ERC2: variants seen among roughly 807,000 people sequenced by gnomAD.
The protein encoded by ERC2 is ELKS/RAB6-interacting/CAST family member 2.
A neutral mutation model predicts 114.8 loss-of-function variants in ERC2; 42 were observed. The ratio of observed to expected loss-of-function variants is 0.37; its 90% CI spans 0.29 to 0.47. The LOEUF is 0.47. Among genes scored for constraint, ERC2 ranks in the 20% least tolerant of loss-of-function variants. The pLI, the probability that ERC2 is intolerant of heterozygous loss-of-function variation, is 0.99. For synonymous variants in ERC2, 454 were observed against 425.5 expected, an observed-to-expected ratio of 1.07 and a Z score of -0.82; for missense variants, 939 against 1,150.7, an observed-to-expected ratio of 0.82 and a Z score of 2.66.
chr3:56,297,765 G>A (rs189424928), intron 2 of ERC2, among the ~76,000 whole-genome samples: 8 of 152,304 alleles, frequency 5.3e-5, no homozygotes, highest in African/African-American at 1.4e-4. Flanking sequence ...AAGGCATGGG[G>A]TAATACTATA....
chr3:56,389,859 G>GA (rs1016152626), intron 2 of ERC2, among the ~76,000 whole-genome samples: 2 of 152,134 alleles, frequency 1.3e-5, no homozygotes, highest in African/African-American at 4.8e-5. Flanking sequence ...CTTTAACTAG[G>GA]AAGGGTAGGC....
intron 3 of ERC2, among the ~76,000 whole-genome samples, chr3:56,207,113 ACT>A (rs372395878): frequency 7.7e-4 from 117 of 151,766 alleles, no homozygotes; most frequent in African/African-American, 2.7e-3. Context: ...TATTTTAGAG[ACT>A]CTAATATGTT....
chr3:55,852,529 A>G (rs1208648875), intron 14 of ERC2: 1 of 149,430 alleles, frequency 6.7e-6, no homozygotes, highest in Non-Finnish European at 1.5e-5. Flanking sequence ...GTTATCTACA[A>G]GGGAATTTTT....
At chr3:55,784,762 G>T (rs1226307620) in intron 14 of ERC2, among the ~76,000 whole-genome samples, 1 of 152,174 alleles carries the variant, frequency 6.6e-6, no homozygotes, top group African/African-American at 2.4e-5. Flanking sequence ...CCATCTACAT[G>T]AAGCCAACTG....
At chr3:56,279,254 C>A (rs1180521352) in intron 3 of ERC2, among the ~76,000 whole-genome samples, 1 of 152,226 alleles carries the variant, frequency 6.6e-6, no homozygotes, top group Non-Finnish European at 1.5e-5. Context: ...TTCATGGAAG[C>A]ATCAGTGAAC....
At chr3:56,141,599 C>T (rs2080858001) in intron 5 of ERC2, among the ~76,000 whole-genome samples, 2 of 152,272 alleles carry the variant, frequency 1.3e-5, no homozygotes, top group Admixed American at 6.5e-5. Context: ...TTTTTATAGA[C>T]ATTTTATTAG....
At chr3:56,076,657 A>C (rs1270626922) in intron 7 of ERC2, among the ~76,000 whole-genome samples, 2 of 152,168 alleles carry the variant, frequency 1.3e-5, no homozygotes, top group East Asian at 3.9e-4. Context: ...AGTACAGCCA[A>C]AAGTATGTTA....
intron 14 of ERC2, among the ~76,000 whole-genome samples, chr3:55,809,477 A>G (rs2149122730): frequency 6.6e-6 from 1 of 152,326 alleles, no homozygotes; most frequent in Admixed American, 6.5e-5. Flanking sequence ...CAATAATAAT[A>G]CTATCTCAGT....
intron 17 of ERC2, among the ~76,000 whole-genome samples, chr3:55,549,936 G>A (rs1575552015): frequency 2.7e-5 from 3 of 111,736 alleles, no homozygotes. Flanking sequence ...ACACAAGAGA[G>A]AGAGAGAGAG....
chr3:55,521,254 C>T (rs763603588), intron 17 of ERC2, among the ~76,000 whole-genome samples: 1 of 152,212 alleles, frequency 6.6e-6, no homozygotes, highest in Non-Finnish European at 1.5e-5. Context: ...CTTTCCCTCT[C>T]CCCACACAGC....
At chr3:55,708,691 G>A (rs2063609415) in intron 15 of ERC2, among the ~76,000 whole-genome samples, 1 of 151,984 alleles carries the variant, frequency 6.6e-6, no homozygotes, top group Admixed American at 6.6e-5. Context: ...TTTAGAAAGT[G>A]AACTCCAAAT....
At chr3:55,641,986 C>T (rs1471264955) in intron 17 of ERC2, among the ~76,000 whole-genome samples, 1 of 152,304 alleles carries the variant, frequency 6.6e-6, no homozygotes, top group Admixed American at 6.5e-5. Flanking sequence ...GGCCAGAAAT[C>T]ATTTGCATGG....
chr3:56,400,987 C>T (rs1461340730), intron 2 of ERC2, among the ~76,000 whole-genome samples: 1 of 152,206 alleles, frequency 6.6e-6, no homozygotes, highest in Non-Finnish European at 1.5e-5. Context: ...GTAACACCCT[C>T]TCTGGTTTGT....
Position 55,741,454 on chromosome 3 carries a change from A to G in ERC2, c.2565-6536T>C, listed in dbSNP as rs535265758. 2.4e-3 allele frequency among the ~76,000 whole-genome samples: 364 copies of G among 152,304 alleles called. 3 individuals carry two copies. The highest frequency in any genetic ancestry group is 4.0e-3 in the Non-Finnish European group (274 of 68,020). On this transcript the variant is annotated intron_variant, in intron 14 of 17. Transcript: ENST00000288221. ...GATATAAACCGGAAACAGAAAAATC[A>G]TTATTTTCCCCAATGAAAGCATTAC...
intron 13 of ERC2, among the ~76,000 whole-genome samples, chr3:55,918,488 T>A (rs935237876): frequency 6.6e-6 from 1 of 152,054 alleles, no homozygotes; most frequent in Non-Finnish European, 1.5e-5. Flanking sequence ...TGGCCCAAGG[T>A]GCTAGATTAG....
intron 14 of ERC2, among the ~76,000 whole-genome samples, chr3:55,785,189 A>G (rs772147184): frequency 6.6e-6 from 1 of 152,246 alleles, no homozygotes; most frequent in Non-Finnish European, 1.5e-5. Context: ...TTCAGGGTAC[A>G]CAAGGAAAAC....
At chr3:56,192,842 A>C (rs1329845344) in intron 3 of ERC2, among the ~76,000 whole-genome samples, 1 of 152,198 alleles carries the variant, frequency 6.6e-6, no homozygotes, top group Non-Finnish European at 1.5e-5. Flanking sequence ...CTGGGATCCC[A>C]GCAGATCTTA....
chr3:56,341,157 T>A (rs1201379292), intron 2 of ERC2, among the ~76,000 whole-genome samples: 3 of 152,266 alleles, frequency 2.0e-5, no homozygotes, highest in East Asian at 3.9e-4. Context: ...ATGTGACAGG[T>A]CATGGTTATT....
At position 56,434,536 on chromosome 3, in the gene ERC2, G is replaced by T; in HGVS notation, c.472C>A (p.Gln158Lys). 6.2e-7 allele frequency: 1 copy of T among 1,613,972 alleles called. No individual in the cohort carries two copies. Among genetic ancestry groups the T allele is most frequent in the Non-Finnish European group, 8.5e-7 (1 of 1,179,896 alleles). Residue 158 changes from glutamine to lysine, a missense_variant, in exon 2 of 18, where the codon CAG becomes AAG. Gln to Lys is a moderately conservative substitution (Grantham distance 53, BLOSUM62 1). Coordinates refer to ENST00000288221, the MANE Select transcript of ERC2 (RefSeq NM_015576.3). ...TTCCGGAGGAGGTCATTCTCTCTCT[G>T]CAGTTCTTTCAGCTGGGCCTGAAGA... ...LDLQAQLKEL[Q>K]RENDLLRKEL...
Sources: gnomAD v4.1 joint callset for allele counts (sites outside exome capture counted in the v4.1 genomes callset) on GRCh38, gnomAD v4.1.1 for gene constraint, MANE v1.5 for transcripts, NCBI Gene and HGNC (gene_info 2026-07-23, HGNC 2026-07-21) for gene names.